FAM117A: variants seen among roughly 807,000 people sequenced by gnomAD.
FAM117A encodes protein FAM117A.
FAM117A carries 21 observed loss-of-function variants against 44.1 expected under a neutral mutation model. The ratio of observed to expected loss-of-function variants is 0.48; its 90% CI spans 0.34 to 0.69. FAM117A has a LOEUF of 0.69. Ranked by LOEUF, FAM117A falls within the 30% of genes least tolerant of loss-of-function variation. The pLI, the probability that FAM117A is intolerant of heterozygous loss-of-function variation, is 0.01. For missense variants in FAM117A, 498 were observed against 589.9 expected, an observed-to-expected ratio of 0.84 and a Z score of 1.61; for synonymous variants, 220 against 238.3, an observed-to-expected ratio of 0.92 and a Z score of 0.71.
At chr17:49,750,549 C>A (rs972071652) in intron 1 of FAM117A, among the ~76,000 whole-genome samples, 1 of 151,936 alleles carries the variant, frequency 6.6e-6, no homozygotes, top group Admixed American at 6.6e-5. Context: ...CCAAGGCAGG[C>A]AGATCACCTG....
At chr17:49,777,497 C>T (rs2073778468) in intron 1 of FAM117A, among the ~76,000 whole-genome samples, 1 of 152,102 alleles carries the variant, frequency 6.6e-6, no homozygotes, top group Non-Finnish European at 1.5e-5. Context: ...ACATCCAAAT[C>T]CTCAACCTTT....
chr17:49,752,133 G>A (rs930734795), intron 1 of FAM117A, among the ~76,000 whole-genome samples: 2 of 152,036 alleles, frequency 1.3e-5, no homozygotes, highest in Non-Finnish European at 2.9e-5. Flanking sequence ...TTGGAGGTAA[G>A]AGTGGCTTGT....
At chr17:49,769,030 T>C (rs1054954069), upstream of FAM117A, among the ~76,000 whole-genome samples, 3 of 152,216 alleles carry the variant, frequency 2.0e-5, no homozygotes, top group African/African-American at 2.4e-5. Flanking sequence ...GTGTGGTGGC[T>C]CATGCCTGTA....
chr17:49,753,592 G>A (rs751224819), intron 1 of FAM117A, among the ~76,000 whole-genome samples: 12 of 152,178 alleles, frequency 7.9e-5, no homozygotes, highest in Admixed American at 2.6e-4. Flanking sequence ...GGGGCGGTTG[G>A]ACCACCTGAG....
At chr17:49,737,772 C>T (rs2073617250) in intron 1 of FAM117A, among the ~76,000 whole-genome samples, 2 of 152,206 alleles carry the variant, frequency 1.3e-5, no homozygotes, top group South Asian at 4.1e-4. Flanking sequence ...TTAAGGAAGA[C>T]TAAGGCACAA....
At chr17:49,772,268 G>A (rs1202767302) in intron 1 of FAM117A, among the ~76,000 whole-genome samples, 1 of 151,594 alleles carries the variant, frequency 6.6e-6, no homozygotes, top group Non-Finnish European at 1.5e-5. Flanking sequence ...TTCTAGCCTG[G>A]GCAACTGAGG....
chr17:49,734,791 G>A (rs1474393846), intron 1 of FAM117A, among the ~76,000 whole-genome samples: 1 of 152,088 alleles, frequency 6.6e-6, no homozygotes, highest in Non-Finnish European at 1.5e-5. Context: ...GAGCATCCAC[G>A]AATGGAGAAA....
chr17:49,740,906 G>T (rs1194670538), intron 1 of FAM117A, among the ~76,000 whole-genome samples: 16 of 152,178 alleles, frequency 1.1e-4, no homozygotes, highest in Non-Finnish European at 1.5e-5. Context: ...GAGGCATTGT[G>T]GCTGCTCTTC....
chr17:49,786,427 T>A (rs768470491), intron 1 of FAM117A, among the ~76,000 whole-genome samples: 3 of 152,206 alleles, frequency 2.0e-5, no homozygotes, highest in Admixed American at 6.5e-5. Context: ...GTAATGATAT[T>A]CTTACTGAGT....
chr17:49,766,845 T>G (rs968900516), upstream of FAM117A, among the ~76,000 whole-genome samples: 2 of 152,232 alleles, frequency 1.3e-5, no homozygotes. Flanking sequence ...ATCGTACAGA[T>G]GCTTCCTTCC....
chr17:49,764,101 G>A lies in FAM117A; in HGVS notation c.-14C>T, dbSNP rs1404436609. The stretch of plus-strand genomic sequence containing the variant: ...GGCCCCCGCCATGGCTCTCCCGGCT[G>A]CCTGCCTCAGCCCCACTGCGAGACT... On this transcript the variant is annotated 5_prime_UTR_variant, in exon 1 of 8. Coordinates refer to ENST00000240364, the MANE Select transcript of FAM117A (RefSeq NM_030802.4). 3.2e-6 allele frequency: 4 copies of A among 1,249,748 alleles called. No homozygotes were observed. The highest frequency in any genetic ancestry group is 3.0e-5 in the East Asian group (1 of 33,616). 77.4% of individuals were successfully genotyped at this position (1,249,748 alleles called of 1,614,324 possible).
intron 7 of FAM117A, among the ~76,000 whole-genome samples, chr17:49,715,410 A>G (rs2073497671): frequency 6.6e-6 from 1 of 152,078 alleles, no homozygotes; most frequent in South Asian, 2.1e-4. Flanking sequence ...TGCCACTGAA[A>G]CCCCAACTTG....
At position 49,771,835 on chromosome 17, in the gene FAM117A, C is replaced by A. The variant is rs113832985; in HGVS notation, c.-621+16662G>T. Among the ~76,000 whole-genome samples the A allele has an allele frequency of 5.9e-3, 897 of 152,316 alleles. 7 individuals carry two copies. Among genetic ancestry groups the A allele is most frequent in the African/African-American group, 0.021 (854 of 41,562 alleles). Reference sequence around the variant, plus strand: ...CTGTTTCATGCCCCACTTTAGATTTCTTTCTTCTCCACTGTTCCCACTTAT... The same window carrying A: ...CTGTTTCATGCCCCACTTTAGATTTATTTCTTCTCCACTGTTCCCACTTAT... On this transcript the variant is annotated intron_variant, in intron 1 of 7. Coordinates refer to the FAM117A transcript ENST00000513602.
At chr17:49,714,702 G>A (rs558731601) in intron 7 of FAM117A, among the ~76,000 whole-genome samples, 1 of 145,138 alleles carries the variant, frequency 6.9e-6, no homozygotes, top group Admixed American at 6.9e-5. Flanking sequence ...GCTGGAGTGC[G>A]GTGGCGTGAT....
At position 49,722,494 on chromosome 17, in the gene FAM117A, G is replaced by C; in HGVS notation, c.462+5C>G. The C allele has an allele frequency of 1.2e-6, 2 of 1,612,908 alleles. No homozygotes were observed. Among genetic ancestry groups the C allele is most frequent in the Non-Finnish European group, 1.7e-6 (2 of 1,179,328 alleles). On this transcript the variant is annotated splice_donor_5th_base_variant and intron_variant, in intron 3 of 7. Transcript: ENST00000240364. ...CCTAGGCAGGGAGTCAAAGTGGGTA[G>C]CTACCTCTTTTCGGTGGTCTGTGCT...
chr17:49,739,759 T>C (rs1356562022), intron 1 of FAM117A, among the ~76,000 whole-genome samples: 1 of 152,234 alleles, frequency 6.6e-6, no homozygotes, highest in East Asian at 1.9e-4. Context: ...GAGAAGCCCA[T>C]ATCATGACAG....
rs1402581972 is a variant in FAM117A, at chr17:49,740,935, G to A, written c.197-8215C>T. ...GCTCTTCTCAGCGTGACCAGAGATA[G>A]ACTGTGGGGTAGAGGCTTAGCACTT... On this transcript the variant is annotated intron_variant, in intron 1 of 7. Transcript: ENST00000240364. Among the ~76,000 whole-genome samples the A allele has an allele frequency of 2.0e-5, 3 of 152,300 alleles. No homozygotes were observed. The East Asian group carries it at 5.8e-4, about 29-fold the overall frequency.
At chr17:49,751,869 G>C (rs1351995060) in intron 1 of FAM117A, among the ~76,000 whole-genome samples, 1 of 149,828 alleles carries the variant, frequency 6.7e-6, no homozygotes, top group East Asian at 2.0e-4. Context: ...GCTTGAACCC[G>C]GGAGATGGAG....
At chr17:49,738,269 G>A (rs2073618998) in intron 1 of FAM117A, among the ~76,000 whole-genome samples, 1 of 152,298 alleles carries the variant, frequency 6.6e-6, no homozygotes, top group Admixed American at 6.5e-5. Context: ...AATGTGATGT[G>A]AGAATCCAAC....
Sources: gnomAD v4.1 joint callset for allele counts (sites outside exome capture counted in the v4.1 genomes callset) on GRCh38, gnomAD v4.1.1 for gene constraint, MANE v1.5 for transcripts, NCBI Gene and HGNC (gene_info 2026-07-23, HGNC 2026-07-21) for gene names.